RIMS1: variants seen among roughly 807,000 people sequenced by gnomAD.
The protein encoded by RIMS1 is regulating synaptic membrane exocytosis 1.
RIMS1 carries 83 observed loss-of-function variants against 214.1 expected under a neutral mutation model. That is an observed-to-expected ratio of 0.39 (90% CI 0.32 to 0.47). RIMS1 has a LOEUF of 0.47. Among genes scored for constraint, RIMS1 ranks in the 20% least tolerant of loss-of-function variants. The pLI, the probability that RIMS1 is intolerant of heterozygous loss-of-function variation, is 0.99. For synonymous variants in RIMS1, 793 were observed against 786.8 expected (o/e 1.01, Z -0.13); for missense variants, 2,050 against 2,161.8 (o/e 0.95, Z 1.03).
At chr6:71,921,727 A>C (rs1265314900) in intron 1 of RIMS1, among the ~76,000 whole-genome samples, 1 of 152,188 alleles carries the variant, frequency 6.6e-6, no homozygotes, top group African/African-American at 2.4e-5. Flanking sequence ...TACTTCCTCT[A>C]GTGGGAACCA....
chr6:72,076,158 T>C (rs1831803626), intron 2 of RIMS1, among the ~76,000 whole-genome samples: 1 of 152,256 alleles, frequency 6.6e-6, no homozygotes, highest in Non-Finnish European at 1.5e-5. Flanking sequence ...CCAGACACTA[T>C]GCTAAGTCCT....
chr6:72,117,526 C>T (rs1163176336), intron 4 of RIMS1, among the ~76,000 whole-genome samples: 1 of 151,452 alleles, frequency 6.6e-6, no homozygotes, highest in African/African-American at 2.4e-5. Flanking sequence ...CCAAGATAGA[C>T]CAAAACAAGT....
rs762649590 is a variant in RIMS1, at chr6:72,292,021, A to G, written c.3825A>G (p.Pro1275=). 1.3e-5 allele frequency: 21 copies of G among 1,557,962 alleles called. No homozygotes were observed. The Middle Eastern group carries it at 6.6e-4, about 49-fold the overall frequency. ...SRRGRQLPQV[P]VRSGSIEQAS... is the part of the protein sequence containing the mutation. ...GGGGAAGACAGCTCCCACAAGTGCCAGTGAGAAGCGGCAGTATAGAACAAG... is the reference window on the plus strand; with the variant it reads ...GGGGAAGACAGCTCCCACAAGTGCCGGTGAGAAGCGGCAGTATAGAACAAG... Residue 1275 remains proline (P), a synonymous_variant, in exon 26 of 34, where the codon CCA becomes CCG. Transcript: ENST00000521978.
chr6:72,339,214 A>G (rs2096955563), intron 29 of RIMS1, among the ~76,000 whole-genome samples: 1 of 151,814 alleles, frequency 6.6e-6, no homozygotes, highest in Admixed American at 6.6e-5. Flanking sequence ...AAATCAGGAT[A>G]AGTACACAAG....
intron 19 of RIMS1, chr6:72,261,099 A>G: frequency 8.4e-7 from 1 of 1,193,666 alleles, no homozygotes; most frequent in Non-Finnish European, 1.1e-6. Context: ...TTTCCCACAC[A>G]TATTCCTGTC....
At chr6:71,897,260 G>T (rs532615404) in intron 1 of RIMS1, among the ~76,000 whole-genome samples, 3 of 152,186 alleles carry the variant, frequency 2.0e-5, no homozygotes, top group African/African-American at 7.2e-5. Flanking sequence ...GGAACCTCTT[G>T]ATTCATTTTT....
chr6:72,308,346 C>CT (rs1476374531), intron 27 of RIMS1, among the ~76,000 whole-genome samples: 1 of 151,878 alleles, frequency 6.6e-6, no homozygotes, highest in Non-Finnish European at 1.5e-5. Flanking sequence ...TATTTAAAAG[C>CT]TTTTTTTCTT....
chr6:72,307,884 AT>A (rs560408753), intron 27 of RIMS1, among the ~76,000 whole-genome samples: 3,099 of 152,216 alleles, frequency 0.02, 38 homozygotes, highest in Non-Finnish European at 0.03. Context: ...CTTGGATTTG[AT>A]TTTTTTCTAA....
intron 2 of RIMS1, among the ~76,000 whole-genome samples, chr6:71,989,452 G>A (rs1450630493): frequency 6.6e-6 from 1 of 152,002 alleles, no homozygotes; most frequent in Non-Finnish European, 1.5e-5. Context: ...CTCACCAGGG[G>A]GTAGCCTGCA....
chr6:72,218,943 T>G (rs539605027), intron 6 of RIMS1, among the ~76,000 whole-genome samples: 3 of 152,196 alleles, frequency 2.0e-5, no homozygotes, highest in Non-Finnish European at 4.4e-5. Flanking sequence ...TGCTGCTGTT[T>G]ATTAGTGCAT....
intron 1 of RIMS1, among the ~76,000 whole-genome samples, chr6:71,960,018 T>C (rs116482906): frequency 0.015 from 2,215 of 152,260 alleles, 70 homozygotes; most frequent in African/African-American, 0.051. Flanking sequence ...TTAGCTGGTA[T>C]TATTAACTGT....
At chr6:71,942,462 T>C (rs187236751) in intron 1 of RIMS1, among the ~76,000 whole-genome samples, 1 of 152,308 alleles carries the variant, frequency 6.6e-6, no homozygotes, top group East Asian at 1.9e-4. Context: ...GAATTTTTTA[T>C]TTGGATGTCA....
rs749572947 is a variant in RIMS1 at position 72,290,877 on chromosome 6, C to A, written c.3737+16C>A. The A allele has an allele frequency of 6.2e-7, 1 of 1,609,990 alleles. No individual in the cohort carries two copies. The highest frequency in any genetic ancestry group is 8.5e-7 in the Non-Finnish European group (1 of 1,178,308). ...TTCTGACAAGGTCGCTATTCAGTGT[C>A]CCCCTCAGCATTCATGTCCTGCCTC... On this transcript the variant is annotated intron_variant, in intron 25 of 33. Coordinates refer to ENST00000521978, the MANE Select transcript of RIMS1 (RefSeq NM_014989.7).
intron 33 of RIMS1, 48 bp downstream of exon 33, chr6:72,399,142 C>T (rs1699086478): frequency 1.4e-6 from 2 of 1,468,582 alleles, no homozygotes; most frequent in Non-Finnish European, 1.8e-6. Context: ...TCTGTTTTAC[C>T]CATACATCGA....
At chr6:72,030,878 T>C (rs889815561) in intron 2 of RIMS1, among the ~76,000 whole-genome samples, 1 of 152,150 alleles carries the variant, frequency 6.6e-6, no homozygotes, top group East Asian at 1.9e-4. Context: ...TGTTTTACTC[T>C]TCTATTGTTA....
At chr6:72,376,287 C>G (rs1324548109) in intron 29 of RIMS1, among the ~76,000 whole-genome samples, 1 of 152,122 alleles carries the variant, frequency 6.6e-6, no homozygotes, top group Non-Finnish European at 1.5e-5. Context: ...ACCCTGCTGT[C>G]ATCCTGCCTC....
chr6:72,005,961 T>C (rs904321516), intron 2 of RIMS1, among the ~76,000 whole-genome samples: 3 of 152,234 alleles, frequency 2.0e-5, no homozygotes, highest in African/African-American at 7.2e-5. Context: ...AGTGGTTGGC[T>C]ACTAAACTAC....
intron 2 of RIMS1, among the ~76,000 whole-genome samples, chr6:71,969,824 A>G (rs1322781752): frequency 6.6e-6 from 1 of 152,110 alleles, no homozygotes; most frequent in Non-Finnish European, 1.5e-5. Context: ...AAAAACAAAA[A>G]CAAAAACAAA....
chr6:72,185,886 C>T (rs567674775), intron 6 of RIMS1, among the ~76,000 whole-genome samples: 22 of 152,312 alleles, frequency 1.4e-4, no homozygotes, highest in African/African-American at 4.8e-4. Context: ...TTTCCTTCTC[C>T]TCAATGTGAA....
Sources: gnomAD v4.1 joint callset for allele counts (sites outside exome capture counted in the v4.1 genomes callset) on GRCh38, gnomAD v4.1.1 for gene constraint, MANE v1.5 for transcripts, NCBI Gene and HGNC (gene_info 2026-07-23, HGNC 2026-07-21) for gene names.